Variants in CEP135 observed in about 807,000 individuals in gnomAD.
CEP135 encodes centrosomal protein of 135 kDa.
In CEP135, 142 loss-of-function variants were observed where a neutral mutation model predicts 157.3. The ratio of observed to expected loss-of-function variants is 0.90; its 90% CI spans 0.79 to 1.04. The LOEUF (loss-of-function observed/expected upper bound fraction) is 1.04. Among genes scored for constraint, CEP135 ranks in the 50% least tolerant of loss-of-function variants. The pLI, the probability that CEP135 is intolerant of heterozygous loss-of-function variation, is 0.00. For synonymous variants in CEP135, 396 were observed against 439.8 expected, an observed-to-expected ratio of 0.90 and a Z score of 1.25; for missense variants, 1,317 against 1,309.2, an observed-to-expected ratio of 1.01 and a Z score of -0.09.
rs1728779993 is a variant in CEP135, at chr4:55,964,398, T to C, written c.824T>C (p.Ile275Thr). The stretch of plus-strand genomic sequence containing the variant: ...GAAAAGCTTATTGCTCATTTAAATA[T>C]TCAGGTAATGGCTTTTATAATTATT... ...TNEKLIAHLN[I>T]QVDFLQQANK... Residue 275 changes from isoleucine (I) to threonine (T), a missense_variant, in exon 7 of 26, where the codon ATT becomes ACT. Ile to Thr is a moderately conservative substitution (Grantham distance 89, BLOSUM62 -1). Coordinates refer to ENST00000257287, the MANE Select transcript of CEP135 (RefSeq NM_025009.5). 1.2e-6 allele frequency: 2 copies of C among 1,601,212 alleles called. No individual in the cohort carries two copies. The highest frequency in any genetic ancestry group is 1.3e-5 in the African/African-American group (1 of 74,528).
Position 55,969,090 on chromosome 4 carries a change from A to G in CEP135, c.1072A>G (p.Met358Val), listed in dbSNP as rs776272871. The change falls in exon 9 of 26, where the codon ATG becomes GTG. Residue 358 changes from methionine (M) to valine (V), a missense_variant. Transcript: ENST00000257287. ...AGAGATTAAAAGAAAGCTCTCTGAAATGCAGGATCTTGAAGAAACAATGGC... is the reference window on the plus strand; with the variant it reads ...AGAGATTAAAAGAAAGCTCTCTGAAGTGCAGGATCTTGAAGAAACAATGGC... ...KKEIKRKLSE[M>V]QDLEETMAKL... is the part of the protein sequence containing the mutation. 3.7e-6 allele frequency: 6 copies of G among 1,613,426 alleles called. No individual in the cohort carries two copies. In the South Asian group the frequency reaches 5.5e-5, roughly 15 times the overall value.
At chr4:55,951,165 G>C (rs1360185179) in intron 1 of CEP135, among the ~76,000 whole-genome samples, 1 of 152,132 alleles carries the variant, frequency 6.6e-6, no homozygotes, top group African/African-American at 2.4e-5. Flanking sequence ...GTTGATGGGG[G>C]TTTAGGTTGT....
At position 56,009,893 on chromosome 4, in the gene CEP135, G is replaced by A. The variant is rs776179703; in HGVS notation, c.2495G>A (p.Arg832Lys). 1 of 1,613,002 alleles carries A rather than the reference G, an allele frequency of 6.2e-7. No individual in the cohort carries two copies. The highest frequency in any genetic ancestry group is 1.7e-5 in the Admixed American group (1 of 59,748). ...RLQDDLATMA[R>K]ENQEISLELE... ...CAAGATGACCTGGCTACAATGGCAA[G>A]AGAAAATCAAGTATGAACACAAGGC... The change falls in exon 19 of 26, where the codon AGA (arginine) becomes AAA (lysine). Residue 832 changes from arginine to lysine, a missense_variant. Arg to Lys is a conservative substitution (Grantham distance 26, BLOSUM62 2). Coordinates refer to ENST00000257287, the MANE Select transcript of CEP135 (RefSeq NM_025009.5).
chr4:55,977,709 A>G (rs1188989300), intron 11 of CEP135, among the ~76,000 whole-genome samples: 2 of 152,202 alleles, frequency 1.3e-5, no homozygotes, highest in African/African-American at 4.8e-5. Flanking sequence ...TTCTTTTAGC[A>G]ATTTTGAAGT....
At chr4:55,976,698 G>T (rs1309456762) in intron 11 of CEP135, among the ~76,000 whole-genome samples, 4 of 152,214 alleles carry the variant, frequency 2.6e-5, no homozygotes, top group Non-Finnish European at 5.9e-5. Flanking sequence ...ATAATAAAGT[G>T]CAGGCATGAA....
intron 9 of CEP135, among the ~76,000 whole-genome samples, chr4:55,969,715 T>G (rs1318981520): frequency 6.6e-6 from 1 of 152,188 alleles, no homozygotes. Context: ...ATTTTATGTA[T>G]AGTAGGTAGC....
chr4:55,967,609 T>C (rs1262824731), intron 8 of CEP135, among the ~76,000 whole-genome samples: 4 of 152,230 alleles, frequency 2.6e-5, no homozygotes, highest in Non-Finnish European at 5.9e-5. Flanking sequence ...ATTCAGATGC[T>C]GATTCCTTAG....
intron 22 of CEP135, 136 bp downstream of exon 22, chr4:56,017,993 C>T (rs953270821): frequency 6.7e-6 from 5 of 747,920 alleles, no homozygotes; most frequent in Middle Eastern, 4.1e-4. Flanking sequence ...TGGAGTTTTG[C>T]TCTGTCGCTT....
intron 19 of CEP135, among the ~76,000 whole-genome samples, chr4:56,011,125 C>T (rs185350086): frequency 2.4e-4 from 37 of 151,946 alleles, no homozygotes; most frequent in African/African-American, 8.5e-4. Flanking sequence ...GTCTCAGCTA[C>T]TCGGAGGGCT....
chr4:55,968,880 G>A (rs959923223), intron 8 of CEP135, among the ~76,000 whole-genome samples, 183 bp from the exon 9 acceptor site: 2 of 152,134 alleles, frequency 1.3e-5, no homozygotes, highest in African/African-American at 2.4e-5. Context: ...AAACATTCGG[G>A]ATACCAAAAG....
At chr4:56,022,445 A>G (rs1450916242) in intron 24 of CEP135, among the ~76,000 whole-genome samples, 1 of 152,168 alleles carries the variant, frequency 6.6e-6, no homozygotes, top group Non-Finnish European at 1.5e-5. Flanking sequence ...AGAATGGTTT[A>G]TGTCCCTCCA....
chr4:55,965,906 T>G, intron 8 of CEP135, 47 bp downstream of exon 8: 3 of 1,440,762 alleles, frequency 2.1e-6, no homozygotes, highest in Non-Finnish European at 2.9e-6. Flanking sequence ...TTAATTCTCC[T>G]AGCACACGGT....
chr4:56,009,689 G>A (rs769102833), intron 18 of CEP135, 46 bp from the exon 19 acceptor site: 3 of 1,544,096 alleles, frequency 1.9e-6, no homozygotes, highest in South Asian at 2.4e-5. Flanking sequence ...ATGAACTACA[G>A]TTTTTAAAAG....
At chr4:56,021,150 T>C (rs1185114362) in intron 24 of CEP135, among the ~76,000 whole-genome samples, 1 of 152,126 alleles carries the variant, frequency 6.6e-6, no homozygotes, top group African/African-American at 2.4e-5. Context: ...ACAATCCCTA[T>C]AAGAGCTCCA....
intron 17 of CEP135, among the ~76,000 whole-genome samples, chr4:56,006,629 T>A (rs142201084): frequency 1.3e-5 from 2 of 152,194 alleles, no homozygotes; most frequent in East Asian, 3.9e-4. Flanking sequence ...AAAAAATATA[T>A]TAAAAATTTT....
At chr4:55,991,518 A>T (rs1729796448) in intron 14 of CEP135, among the ~76,000 whole-genome samples, 1 of 152,010 alleles carries the variant, frequency 6.6e-6, no homozygotes, top group Non-Finnish European at 1.5e-5. Context: ...TGTGCTTTTC[A>T]GGAAAATTAT....
intron 21 of CEP135, among the ~76,000 whole-genome samples, chr4:56,016,542 A>G (rs1220969962): frequency 6.6e-6 from 1 of 152,224 alleles, no homozygotes; most frequent in African/African-American, 2.4e-5. Flanking sequence ...AGCCAATTTC[A>G]CAATACAATA....
rs373032199 is a variant in CEP135 at position 55,971,312 on chromosome 4, G to A, written c.1153G>A (p.Glu385Lys). 2 of 1,605,424 alleles carry A rather than the reference G, an allele frequency of 1.2e-6. No individual in the cohort carries two copies. Among genetic ancestry groups the A allele is most frequent in the East Asian group, 2.3e-5 (1 of 44,198 alleles). Residue 385 changes from glutamate (E) to lysine (K), a missense_variant, in exon 10 of 26, where the codon GAA (glutamate) becomes AAA (lysine). Physicochemically the swap from Glu to Lys is moderately conservative, Grantham distance 56. Transcript: ENST00000257287. ...GAAAGAAAAGGAGAGACTGAGTGAT[G>A]AACTCCTTGTAAAATCAGACCTAGA... ...CQKEKERLSD[E>K]LLVKSDLETV...
At chr4:55,959,551 T>C in intron 5 of CEP135, 131 bp from the exon 6 acceptor site, 1 of 739,450 alleles carries the variant, frequency 1.4e-6, no homozygotes, top group Non-Finnish European at 2.3e-6. Flanking sequence ...TTGGGGACCC[T>C]TTGGCACAGT....
Sources: allele counts gnomAD v4.1 joint callset (sites outside exome capture counted in the v4.1 genomes callset), GRCh38; gene constraint gnomAD v4.1.1; transcripts MANE v1.5; gene names NCBI Gene and HGNC (gene_info 2026-07-23, HGNC 2026-07-21).